DPYD: variants seen among roughly 807,000 people sequenced by gnomAD.
The protein encoded by DPYD is dihydropyrimidine dehydrogenase [NADP(+)].
DPYD carries 109 observed loss-of-function variants against 116.2 expected under a neutral mutation model. The ratio of observed to expected loss-of-function variants is 0.94; its 90% CI spans 0.80 to 1.10. The LOEUF (loss-of-function observed/expected upper bound fraction) is 1.10, where lower values mean the gene tolerates loss of function less well. DPYD is among the 50% of genes least tolerant of loss of function. The pLI is 0.00. For missense variants in DPYD, 1,302 were observed against 1,254.5 expected (o/e 1.04, Z -0.57); for synonymous variants, 440 against 432.0 (o/e 1.02, Z -0.23).
intron 6 of DPYD, among the ~76,000 whole-genome samples, chr1:97,695,202 T>G (rs1432080474): frequency 6.6e-6 from 1 of 152,166 alleles, no homozygotes; most frequent in African/African-American, 2.4e-5. Flanking sequence ...TCACATGGAA[T>G]TTTTGTGTTT....
At chr1:97,490,446 ATAT>A (rs1468014887) in intron 13 of DPYD, among the ~76,000 whole-genome samples, 3 of 144,752 alleles carry the variant, frequency 2.1e-5, no homozygotes, top group Non-Finnish European at 3.0e-5. Flanking sequence ...TATAAGTATT[ATAT>A]AACGTACTAA....
chr1:97,715,449 CT>C (rs2101012204), intron 5 of DPYD, among the ~76,000 whole-genome samples: 1 of 152,184 alleles, frequency 6.6e-6, no homozygotes, highest in Non-Finnish European at 1.5e-5. Context: ...ACAATGTTCC[CT>C]AGGACTTGTA....
At chr1:97,612,646 T>C (rs988657564) in intron 8 of DPYD, among the ~76,000 whole-genome samples, 14 of 152,106 alleles carry the variant, frequency 9.2e-5, no homozygotes, top group Middle Eastern at 3.2e-3. Flanking sequence ...ATAAGACATA[T>C]ATCATTTATT....
At position 97,840,849 on chromosome 1, in the gene DPYD, T is replaced by C. The variant is rs1361413418; in HGVS notation, c.151-12653A>G. 2.0e-5 allele frequency among the ~76,000 whole-genome samples: 3 copies of C among 152,262 alleles called. No homozygotes were observed. The East Asian group carries it at 5.8e-4, about 29-fold the overall frequency. Reference sequence around the variant, plus strand: ...TTTCAGTGATAAAACAGTTGAATTATATACATACGAAGTTTCCAAAATTAT... The same window carrying C: ...TTTCAGTGATAAAACAGTTGAATTACATACATACGAAGTTTCCAAAATTAT... On this transcript the variant is annotated intron_variant, in intron 2 of 22. Coordinates refer to ENST00000370192, the MANE Select transcript of DPYD (RefSeq NM_000110.4).
intron 20 of DPYD, among the ~76,000 whole-genome samples, chr1:97,118,699 T>C (rs538132535): frequency 1.1e-4 from 16 of 152,328 alleles, no homozygotes; most frequent in African/African-American, 3.8e-4. Context: ...TTAACTCTTA[T>C]CTAAGGAATC....
At chr1:97,683,658 A>C (rs146564202) in intron 7 of DPYD, among the ~76,000 whole-genome samples, 147 of 152,188 alleles carry the variant, frequency 9.7e-4, no homozygotes, top group African/African-American at 3.3e-3. Context: ...GGTATAAATA[A>C]ACATCAGCTA....
chr1:97,838,216 A>T (rs1292392480), intron 2 of DPYD, among the ~76,000 whole-genome samples: 1 of 152,160 alleles, frequency 6.6e-6, no homozygotes, highest in African/African-American at 2.4e-5. Flanking sequence ...TGTTTCTAAT[A>T]CTATCAAGCA....
In DPYD at chr1:97,078,125, C is replaced by T. The variant is rs1265318856; in HGVS notation, c.*851G>A. 2 of 152,090 alleles carry T rather than the reference C, an allele frequency of 1.3e-5. No homozygotes were observed. The highest frequency in any genetic ancestry group is 4.8e-5 in the African/African-American group (2 of 41,430). 9.4% of individuals were successfully genotyped at this position (152,090 alleles called of 1,614,324 possible). ...TTCATTCTTGAATAATGAAGCATTGCATACTTTGAGCTTTGTTCAAACATT... is the reference window on the plus strand; with the variant it reads ...TTCATTCTTGAATAATGAAGCATTGTATACTTTGAGCTTTGTTCAAACATT... On this transcript the variant is annotated 3_prime_UTR_variant, in exon 23 of 23. Coordinates refer to ENST00000370192, the MANE Select transcript of DPYD (RefSeq NM_000110.4).
intron 18 of DPYD, among the ~76,000 whole-genome samples, chr1:97,283,985 T>C (rs1308532676): frequency 1.3e-5 from 2 of 152,118 alleles, no homozygotes; most frequent in African/African-American, 4.8e-5. Context: ...GTACACAAAA[T>C]CTCCTTAATA....
intron 3 of DPYD, among the ~76,000 whole-genome samples, chr1:97,798,915 A>C (rs1667718037): frequency 6.6e-6 from 1 of 152,038 alleles, no homozygotes; most frequent in African/African-American, 2.4e-5. Context: ...TGTAACAGGC[A>C]GACAGGAGTA....
At chr1:97,529,589 T>A (rs1649415023) in intron 12 of DPYD, among the ~76,000 whole-genome samples, 1 of 152,172 alleles carries the variant, frequency 6.6e-6, no homozygotes, top group Admixed American at 6.5e-5. Flanking sequence ...ACAATCCACG[T>A]CACAAACATA....
chr1:97,772,405 C>A (rs1008476771), intron 3 of DPYD, among the ~76,000 whole-genome samples: 1 of 152,184 alleles, frequency 6.6e-6, no homozygotes, highest in African/African-American at 2.4e-5. Flanking sequence ...CAGTATTCCA[C>A]CTCTCATCCT....
chr1:97,219,074 G>A (rs1365234420), intron 19 of DPYD, among the ~76,000 whole-genome samples: 1 of 152,182 alleles, frequency 6.6e-6, no homozygotes, highest in Non-Finnish European at 1.5e-5. Flanking sequence ...TTAAAAAGGA[G>A]AGTGGCCATA....
chr1:97,287,356 T>A lies in DPYD; in HGVS notation c.2299+17903A>T, dbSNP rs183591793. Among the ~76,000 whole-genome samples, 1,299 of 152,236 alleles carry A rather than the reference T, an allele frequency of 8.5e-3. 23 individuals are homozygous for A. The highest frequency in any genetic ancestry group is 0.03 in the African/African-American group (1,262 of 41,544). ...CCCCTACTGGGAGGTGCCTCCCAGT[T>A]AGGCTGCTCGGGGGTCAGGGGTCAG... On this transcript the variant is annotated intron_variant, in intron 18 of 22. Coordinates refer to ENST00000370192, the MANE Select transcript of DPYD (RefSeq NM_000110.4).
intron 2 of DPYD, among the ~76,000 whole-genome samples, chr1:97,835,441 G>T (rs1159575154): frequency 1.3e-5 from 2 of 152,010 alleles, no homozygotes; most frequent in African/African-American, 2.4e-5. Flanking sequence ...TAGTCTGAAA[G>T]TATGTTAATT....
chr1:97,873,865 G>GT (rs1409451463), intron 2 of DPYD, among the ~76,000 whole-genome samples: 1 of 151,902 alleles, frequency 6.6e-6, no homozygotes, highest in Non-Finnish European at 1.5e-5. Context: ...TGAAGATACA[G>GT]TTGTGAACAA....
intron 11 of DPYD, among the ~76,000 whole-genome samples, chr1:97,567,156 C>A (rs1225034998): frequency 6.6e-6 from 1 of 152,082 alleles, no homozygotes; most frequent in African/African-American, 2.4e-5. Context: ...TAGGCCAGAA[C>A]AAGGCAAATT....
At chr1:97,914,908 C>T (rs1674141175) in intron 1 of DPYD, among the ~76,000 whole-genome samples, 1 of 152,054 alleles carries the variant, frequency 6.6e-6, no homozygotes, top group Non-Finnish European at 1.5e-5. Context: ...TTCATTAACT[C>T]CTCCCTTTCT....
intron 18 of DPYD, chr1:97,295,782 T>C (rs1666491971): frequency 1.0e-6 from 1 of 983,438 alleles, no homozygotes; most frequent in Non-Finnish European, 1.2e-6. Flanking sequence ...TAGTTAAGTT[T>C]ATATTAAAAG....
Sources: gnomAD v4.1 joint callset for allele counts (sites outside exome capture counted in the v4.1 genomes callset) on GRCh38, gnomAD v4.1.1 for gene constraint, MANE v1.5 for transcripts, NCBI Gene and HGNC (gene_info 2026-07-23, HGNC 2026-07-21) for gene names.